Variants in PSME3IP1 observed in about 807,000 individuals in gnomAD.
PSME3IP1 encodes PSME3-interacting protein.
Under a neutral mutation model 34.1 loss-of-function variants are expected in PSME3IP1, and 13 were observed. That is an observed-to-expected ratio of 0.38 (90% CI 0.25 to 0.61). The LOEUF is 0.61. Ranked by LOEUF, PSME3IP1 falls within the 20% of genes least tolerant of loss-of-function variation. The probability of loss-of-function intolerance (pLI) is 0.60; values close to 1 mark genes in which losing one functional copy is unlikely to be tolerated. For synonymous variants in PSME3IP1, 93 were observed against 114.3 expected, an observed-to-expected ratio of 0.81 and a Z score of 1.19; for missense variants, 237 against 301.4, an observed-to-expected ratio of 0.79 and a Z score of 1.58.
At chr16:57,182,197 C>T (rs980223934) in intron 1 of PSME3IP1, among the ~76,000 whole-genome samples, 1 of 152,130 alleles carries the variant, frequency 6.6e-6, no homozygotes, top group African/African-American at 2.4e-5. Context: ...TCATATGCCA[C>T]AGGAGACAGG....
chr16:57,169,132 C>T (rs1408599632), intron 4 of PSME3IP1, among the ~76,000 whole-genome samples: 1 of 152,028 alleles, frequency 6.6e-6, no homozygotes, highest in Non-Finnish European at 1.5e-5. Flanking sequence ...AGCAATTTTT[C>T]CTTCTTAAGC....
intron 5 of PSME3IP1, among the ~76,000 whole-genome samples, chr16:57,166,519 T>G (rs2071889554): frequency 6.6e-6 from 1 of 152,150 alleles, no homozygotes; most frequent in Non-Finnish European, 1.5e-5. Flanking sequence ...GCCCTAGTTG[T>G]CCTACCTAAT....
chr16:57,161,588 T>C (rs1372284503), intron 6 of PSME3IP1, among the ~76,000 whole-genome samples: 3 of 149,952 alleles, frequency 2.0e-5, no homozygotes, highest in Middle Eastern at 3.3e-3. Context: ...CTCTGCTCAC[T>C]GCAAGCTCCA....
intron 4 of PSME3IP1, among the ~76,000 whole-genome samples, chr16:57,171,782 C>T (rs2072617402): frequency 6.6e-6 from 1 of 152,190 alleles, no homozygotes; most frequent in African/African-American, 2.4e-5. Context: ...TCTATGAAGA[C>T]ATTCAAGTGG....
chr16:57,159,791 T>C (rs2145493181), intron 6 of PSME3IP1, among the ~76,000 whole-genome samples: 1 of 152,344 alleles, frequency 6.6e-6, no homozygotes, highest in South Asian at 2.1e-4. Flanking sequence ...CTGATTCATT[T>C]GTATAGTTCC....
rs2071550424 is a variant in PSME3IP1 at position 57,163,855 on chromosome 16, T to C, written c.547+146A>G. Reference sequence around the variant, plus strand: ...TCTGGCCTGGTAATAAAATCCTGCCTGGCATAAAAAAGTTGGGTAAATTAA... The same window carrying C: ...TCTGGCCTGGTAATAAAATCCTGCCCGGCATAAAAAAGTTGGGTAAATTAA... On this transcript the variant is annotated intron_variant, in intron 6 of 6. Transcript: ENST00000309137. The C allele has an allele frequency of 5.1e-6, 4 of 778,368 alleles. No individual in the cohort carries two copies. In the East Asian group the frequency reaches 9.9e-5, roughly 19 times the overall value. The allele number at this position is 778,368 out of a possible 1,614,324, so 48.2% of individuals were successfully genotyped here. A position where few individuals can be genotyped will look rare whatever the true frequency, so the allele number is the denominator to read the frequency against.
At chr16:57,184,583 A>G (rs1233845385) in intron 1 of PSME3IP1, among the ~76,000 whole-genome samples, 2 of 152,272 alleles carry the variant, frequency 1.3e-5, no homozygotes, top group Non-Finnish European at 2.9e-5. Context: ...TGCTTAATTT[A>G]GCTGCCATAA....
At chr16:57,169,297 T>G (rs777751021) in intron 4 of PSME3IP1, among the ~76,000 whole-genome samples, 8 of 152,236 alleles carry the variant, frequency 5.3e-5, no homozygotes, top group Non-Finnish European at 1.2e-4. Flanking sequence ...AGTTCTGTTA[T>G]TTACATGGTT....
chr16:57,174,097 C>A, intron 1 of PSME3IP1: 3 of 403,060 alleles, frequency 7.4e-6, no homozygotes, highest in South Asian at 2.5e-5. Context: ...AGTTCAAGAC[C>A]ATCCTGACTG....
chr16:57,164,441 T>C (rs187230719), intron 5 of PSME3IP1, among the ~76,000 whole-genome samples: 3 of 152,286 alleles, frequency 2.0e-5, no homozygotes, highest in Non-Finnish European at 2.9e-5. Flanking sequence ...TTTAGTGACA[T>C]GCTAGAGATT....
At chr16:57,178,316 A>G (rs1361533335) in intron 1 of PSME3IP1, among the ~76,000 whole-genome samples, 1 of 152,194 alleles carries the variant, frequency 6.6e-6, no homozygotes, top group Admixed American at 6.5e-5. Context: ...AAGCTTTCCA[A>G]GACCTCCTAG....
chr16:57,177,988 CAAT>C (rs1291085717), intron 1 of PSME3IP1, among the ~76,000 whole-genome samples: 9 of 152,076 alleles, frequency 5.9e-5, no homozygotes, highest in African/African-American at 2.2e-4. Flanking sequence ...GACCCTGTCT[CAAT>C]AAATAAATTA....
At chr16:57,172,729 A>G (rs2072732585) in intron 3 of PSME3IP1, 47 bp downstream of exon 3, 7 of 1,417,892 alleles carry the variant, frequency 4.9e-6, no homozygotes, top group South Asian at 4.6e-5. Context: ...AAGTGCGTCA[A>G]AAGTACCCCA....
intron 1 of PSME3IP1, chr16:57,174,645 G>A: frequency 1.0e-6 from 1 of 985,426 alleles, no homozygotes; most frequent in Non-Finnish European, 1.2e-6. Flanking sequence ...AGTAGATTAA[G>A]ATGGAGAATC....
intron 1 of PSME3IP1, among the ~76,000 whole-genome samples, chr16:57,185,015 C>T (rs1355080459): frequency 6.6e-6 from 1 of 152,160 alleles, no homozygotes; most frequent in East Asian, 1.9e-4. Context: ...ATGAATACAC[C>T]AAATAACTGA....
Position 57,154,063 on chromosome 16 carries a change from G to A in PSME3IP1, c.*227C>T. ...CCTCCCAATATCAGTGAGGAAAGTG[G>A]CAGCGGGACAGGTTTGGTCATCTGC... On this transcript the variant is annotated 3_prime_UTR_variant, in exon 7 of 7. Coordinates refer to ENST00000309137, the MANE Select transcript of PSME3IP1 (RefSeq NM_024946.4). This position sits in a 1 kb window ranked among gnomAD's most constrained non-coding sequence, Gnocchi z 4.0. 1 of 493,122 alleles carries A rather than the reference G, an allele frequency of 2.0e-6. No individual in the cohort carries two copies. Among genetic ancestry groups the A allele is most frequent in the East Asian group, 3.5e-5 (1 of 28,174 alleles). The allele number at this position is 493,122 out of a possible 1,614,324, so 30.5% of individuals were successfully genotyped here.
At chr16:57,169,635 C>T (rs112343409) in intron 4 of PSME3IP1, among the ~76,000 whole-genome samples, 1,576 of 152,304 alleles carry the variant, frequency 0.01, 31 homozygotes, top group African/African-American at 0.034. Context: ...CCTGTTCATT[C>T]TTTCCTTTTA....
rs2070086422 is a variant in PSME3IP1 at position 57,152,800 on chromosome 16, C to T, written c.*1490G>A. The T allele has an allele frequency of 6.6e-6, 1 of 152,650 alleles. No homozygotes were observed. The highest frequency in any genetic ancestry group is 6.5e-5 in the Admixed American group (1 of 15,282). 9.5% of individuals were successfully genotyped at this position (152,650 alleles called of 1,614,324 possible). Reference sequence around the variant, plus strand: ...GCAGAACAATTAGCACAGAGTAGTTCTGAAAAGGAGGAAGAATTCACAAAG... The same window carrying T: ...GCAGAACAATTAGCACAGAGTAGTTTTGAAAAGGAGGAAGAATTCACAAAG... On this transcript the variant is annotated 3_prime_UTR_variant, in exon 7 of 7. Transcript: ENST00000309137.
intron 1 of PSME3IP1, among the ~76,000 whole-genome samples, chr16:57,177,600 G>A (rs1384218913): frequency 6.6e-6 from 1 of 151,976 alleles, no homozygotes; most frequent in Non-Finnish European, 1.5e-5. Flanking sequence ...GCGTTGCAGG[G>A]GAAAGAAAAA....
Sources: allele counts gnomAD v4.1 joint callset (sites outside exome capture counted in the v4.1 genomes callset), GRCh38; gene constraint gnomAD v4.1.1; non-coding constraint Gnocchi (gnomAD v3.1); transcripts MANE v1.5; gene names NCBI Gene and HGNC (gene_info 2026-07-23, HGNC 2026-07-21).